The following CCDC91 variants were observed in gnomAD, a reference collection of about 807,000 sequenced individuals.
CCDC91 encodes the protein coiled-coil domain containing 91.
Under a neutral mutation model 63.2 loss-of-function variants are expected in CCDC91, and 48 were observed. That is an observed-to-expected ratio of 0.76 (90% CI 0.60 to 0.97). The LOEUF is 0.97. CCDC91 is among the 50% of genes least tolerant of loss of function. The pLI, the probability that CCDC91 is intolerant of heterozygous loss-of-function variation, is 0.00. For missense variants in CCDC91, 500 were observed against 494.6 expected, an observed-to-expected ratio of 1.01 and a Z score of -0.10; for synonymous variants, 167 against 165.8, an observed-to-expected ratio of 1.01 and a Z score of -0.06.
At chr12:28,241,056 A>G (rs1945301203) in intron 1 of CCDC91, among the ~76,000 whole-genome samples, 3 of 152,076 alleles carry the variant, frequency 2.0e-5, no homozygotes, top group Admixed American at 6.5e-5. Flanking sequence ...AGCATTTGGT[A>G]TTGTCATTAC....
Position 28,452,514 on chromosome 12 carries a change from G to A in CCDC91, c.961G>A (p.Val321Ile). The change falls in exon 11 of 13, where the codon GTC becomes ATC. Residue 321 changes from valine (V) to isoleucine (I), a missense_variant. Physicochemically the swap from Val to Ile is conservative, Grantham distance 29. Transcript: ENST00000536442. ...AGCAGTGAAGGATGCAGTTTTAAAA[G>A]TCGTAGAAGAAGAAAGAAAAAATTT... The part of the protein sequence containing the change: ...KEAVKDAVLK[V>I]VEEERKNLEK... The A allele has an allele frequency of 6.3e-7, 1 of 1,585,454 alleles. No homozygotes were observed.
chr12:28,319,830 C>G lies in CCDC91; in HGVS notation c.576+12081C>G, dbSNP rs201430927. On this transcript the variant is annotated intron_variant, in intron 6 of 12. Transcript: ENST00000536442. ...ATATAATAATAAGAAGAGAAAAAGTCTATATATGTTCAGTGCAGTTGCATT... is the reference window on the plus strand; with the variant it reads ...ATATAATAATAAGAAGAGAAAAAGTGTATATATGTTCAGTGCAGTTGCATT... Among the ~76,000 whole-genome samples the G allele has an allele frequency of 9.2e-5, 14 of 151,716 alleles. No individual in the cohort carries two copies. In the East Asian group the frequency reaches 1.2e-3, roughly 13 times the overall value.
chr12:28,334,761 G>T (rs1326065173), intron 6 of CCDC91, among the ~76,000 whole-genome samples: 1 of 152,124 alleles, frequency 6.6e-6, no homozygotes, highest in Admixed American at 6.5e-5. Context: ...CTTACAGGAA[G>T]TGTAACTCAG....
intron 11 of CCDC91, among the ~76,000 whole-genome samples, chr12:28,465,992 A>G (rs906498405): frequency 6.6e-5 from 10 of 152,180 alleles, no homozygotes; most frequent in African/African-American, 2.4e-4. Flanking sequence ...AAAAACAATC[A>G]AGCAGAAACT....
chr12:28,231,115 C>T (rs1250408409), intron 1 of CCDC91, among the ~76,000 whole-genome samples: 1 of 152,038 alleles, frequency 6.6e-6, no homozygotes. Flanking sequence ...CTTTTCTTTA[C>T]TATTACAGAT....
chr12:28,335,801 T>C (rs11049538), intron 6 of CCDC91, among the ~76,000 whole-genome samples: 30,739 of 152,048 alleles, frequency 0.2, 4,076 homozygotes, highest in Non-Finnish European at 0.3. Flanking sequence ...CCCCTTTTTT[T>C]CTCATTATTT....
chr12:28,373,247 C>G (rs936367373), intron 7 of CCDC91, among the ~76,000 whole-genome samples: 13 of 151,978 alleles, frequency 8.6e-5, no homozygotes, highest in African/African-American at 3.1e-4. Flanking sequence ...TTATTTTTAT[C>G]CTGTTTTCAA....
chr12:28,192,013 C>A (rs1941298361), intron 1 of CCDC91, among the ~76,000 whole-genome samples: 1 of 152,164 alleles, frequency 6.6e-6, no homozygotes, highest in African/African-American at 2.4e-5. Context: ...ATGAAAGTTA[C>A]AACTTACCTC....
intron 3 of CCDC91, among the ~76,000 whole-genome samples, chr12:28,297,578 G>T (rs1299128345): frequency 6.6e-6 from 1 of 151,810 alleles, no homozygotes; most frequent in Non-Finnish European, 1.5e-5. Context: ...TCTATACTCT[G>T]CTTAAGCATT....
intron 12 of CCDC91, among the ~76,000 whole-genome samples, chr12:28,497,943 A>G (rs1376623945): frequency 6.6e-6 from 1 of 151,502 alleles, no homozygotes; most frequent in Non-Finnish European, 1.5e-5. Flanking sequence ...TGTGGTTCAC[A>G]TTTCCCTTTC....
intron 12 of CCDC91, among the ~76,000 whole-genome samples, chr12:28,501,313 T>A (rs2141128509): frequency 6.6e-6 from 1 of 152,082 alleles, no homozygotes; most frequent in South Asian, 2.1e-4. Flanking sequence ...TTCCAGTTTT[T>A]GCCCATTCAG....
chr12:28,389,270 T>C (rs559151619), intron 7 of CCDC91, among the ~76,000 whole-genome samples: 1 of 152,284 alleles, frequency 6.6e-6, no homozygotes, highest in East Asian at 1.9e-4. Context: ...AATGATTGTC[T>C]TCAACTTCAG....
At chr12:28,476,656 C>A (rs1480793715) in intron 11 of CCDC91, among the ~76,000 whole-genome samples, 1 of 151,940 alleles carries the variant, frequency 6.6e-6, no homozygotes, top group Non-Finnish European at 1.5e-5. Context: ...ACAAAAAACC[C>A]TTCAAAAAAT....
intron 12 of CCDC91, among the ~76,000 whole-genome samples, chr12:28,516,169 A>G (rs1239726691): frequency 6.6e-6 from 1 of 151,910 alleles, no homozygotes; most frequent in Admixed American, 6.6e-5. Flanking sequence ...CCTCTTCTTG[A>G]AGAGTGAGGC....
chr12:28,546,760 G>A (rs1028108476), intron 12 of CCDC91, among the ~76,000 whole-genome samples: 1 of 151,822 alleles, frequency 6.6e-6, no homozygotes, highest in Non-Finnish European at 1.5e-5. Context: ...AAAAACAAGA[G>A]ACACTGATCC....
intron 7 of CCDC91, among the ~76,000 whole-genome samples, chr12:28,390,006 A>G (rs1945835903): frequency 6.6e-6 from 1 of 152,106 alleles, no homozygotes; most frequent in Non-Finnish European, 1.5e-5. Flanking sequence ...CAATTCTAGT[A>G]AGCATTTTCC....
intron 12 of CCDC91, 102 bp downstream of exon 12, chr12:28,484,267 C>T: frequency 1.8e-6 from 1 of 548,726 alleles, no homozygotes; most frequent in Admixed American, 3.5e-5. Flanking sequence ...TGTCCTGTGT[C>T]ATCTAACTTA....
chr12:28,383,031 C>A (rs1030226469), intron 7 of CCDC91, among the ~76,000 whole-genome samples: 19 of 152,152 alleles, frequency 1.2e-4, no homozygotes, highest in Non-Finnish European at 2.1e-4. Flanking sequence ...ATTTTAGAAA[C>A]TTCTTAATTT....
intron 6 of CCDC91, among the ~76,000 whole-genome samples, chr12:28,311,796 A>G (rs1045851210): frequency 1.3e-5 from 2 of 151,690 alleles, no homozygotes; most frequent in African/African-American, 4.8e-5. Flanking sequence ...TGTGCCTTTC[A>G]TGGATGGCCC....
Sources: gnomAD v4.1 joint callset for allele counts (sites outside exome capture counted in the v4.1 genomes callset) on GRCh38, gnomAD v4.1.1 for gene constraint, MANE v1.5 for transcripts, NCBI Gene and HGNC (gene_info 2026-07-23, HGNC 2026-07-21) for gene names.